Variants in DCC observed in about 807,000 individuals in gnomAD.
DCC encodes the protein DCC netrin 1 receptor, also known as netrin receptor DCC.
A neutral mutation model predicts 172.5 loss-of-function variants in DCC; 58 were observed. The observed-to-expected ratio is 0.34, with a 90% CI of 0.27 to 0.42. The LOEUF is 0.42. DCC is among the 10% of genes least tolerant of loss of function. The probability of loss-of-function intolerance (pLI) is 1.00; values close to 1 mark genes in which losing one functional copy is unlikely to be tolerated. For missense variants in DCC, 1,740 were observed against 1,791.0 expected (o/e 0.97, Z 0.51); for synonymous variants, 709 against 644.5 (o/e 1.10, Z -1.52).
intron 8 of DCC, among the ~76,000 whole-genome samples, chr18:53,171,931 G>A (rs1598872731): frequency 6.6e-6 from 1 of 151,940 alleles, no homozygotes; most frequent in Non-Finnish European, 1.5e-5. Context: ...ATTGTTGGCA[G>A]AAATGTAAAT....
intron 1 of DCC, among the ~76,000 whole-genome samples, chr18:52,528,731 C>T (rs1418098056): frequency 6.6e-6 from 1 of 152,086 alleles, no homozygotes; most frequent in Non-Finnish European, 1.5e-5. Context: ...ACAGGGCTCT[C>T]CTGTCTTGTG....
chr18:52,531,454 T>C (rs1160063048), intron 1 of DCC, among the ~76,000 whole-genome samples: 3 of 152,192 alleles, frequency 2.0e-5, no homozygotes, highest in African/African-American at 7.2e-5. Flanking sequence ...AATTTAAATA[T>C]ATTTGAAAGT....
chr18:52,598,248 C>T (rs571774508), intron 1 of DCC, among the ~76,000 whole-genome samples: 6 of 151,936 alleles, frequency 3.9e-5, no homozygotes, highest in African/African-American at 9.7e-5. Context: ...TACTAAATAC[C>T]GAGGTTAAGA....
rs1485866214 is a variant in DCC at position 52,466,221 on chromosome 18, T to C, written c.91+125343T>C. Among the ~76,000 whole-genome samples the C allele has an allele frequency of 7.9e-5, 12 of 152,296 alleles. No homozygotes were observed. The East Asian group carries it at 2.3e-3, about 29-fold the overall frequency. ...AGACGTTTTGTCTGGTCTAGTTCCATGCTCCTCAAAAAGGGATATGCGGCA... is the reference window on the plus strand; with the variant it reads ...AGACGTTTTGTCTGGTCTAGTTCCACGCTCCTCAAAAAGGGATATGCGGCA... On this transcript the variant is annotated intron_variant, in intron 1 of 28. Transcript: ENST00000442544.
At chr18:52,512,067 A>C (rs1217865956) in intron 1 of DCC, among the ~76,000 whole-genome samples, 1 of 152,196 alleles carries the variant, frequency 6.6e-6, no homozygotes, top group Non-Finnish European at 1.5e-5. Context: ...AAGAAGTCTA[A>C]GTTATTATTC....
At chr18:52,811,351 G>T (rs1479848225) in intron 2 of DCC, among the ~76,000 whole-genome samples, 2 of 152,086 alleles carry the variant, frequency 1.3e-5, no homozygotes, top group Non-Finnish European at 2.9e-5. Context: ...TAGTTTGTTG[G>T]GTTAACTATG....
chr18:53,118,122 T>G (rs572027166), intron 7 of DCC, among the ~76,000 whole-genome samples: 1 of 151,848 alleles, frequency 6.6e-6, no homozygotes, highest in South Asian at 2.1e-4. Flanking sequence ...TTATCAGAAA[T>G]GTAGTAGAAC....
At chr18:52,497,310 TATATA>T (rs2030822837) in intron 1 of DCC, among the ~76,000 whole-genome samples, 3 of 88,320 alleles carry the variant, frequency 3.4e-5, no homozygotes, top group African/African-American at 7.6e-5. Context: ...TATATATATA[TATATA>T]CACACACACA....
intron 2 of DCC, among the ~76,000 whole-genome samples, chr18:52,815,214 C>T (rs1259719019): frequency 6.6e-6 from 1 of 152,126 alleles, no homozygotes; most frequent in Non-Finnish European, 1.5e-5. Flanking sequence ...AGGTAATTGA[C>T]ATGAATTGTG....
At chr18:52,452,304 C>T (rs1436272711) in intron 1 of DCC, among the ~76,000 whole-genome samples, 1 of 152,216 alleles carries the variant, frequency 6.6e-6, no homozygotes, top group Non-Finnish European at 1.5e-5. Flanking sequence ...CCTACTCTCT[C>T]TATATTTCAT....
chr18:53,182,732 C>T (rs551291917), intron 9 of DCC, among the ~76,000 whole-genome samples: 1 of 152,190 alleles, frequency 6.6e-6, no homozygotes, highest in South Asian at 2.1e-4. Context: ...CAAGCCTGCT[C>T]AATAAGACAC....
chr18:52,804,632 T>C (rs2038054868), intron 2 of DCC, among the ~76,000 whole-genome samples: 1 of 152,184 alleles, frequency 6.6e-6, no homozygotes, highest in African/African-American at 2.4e-5. Context: ...AGTGGTGCGA[T>C]CTCCGCTTAC....
intron 2 of DCC, among the ~76,000 whole-genome samples, chr18:52,838,613 A>G (rs563673921): frequency 5.8e-4 from 89 of 152,352 alleles, no homozygotes; most frequent in Non-Finnish European, 9.7e-4. Flanking sequence ...AACAATAATA[A>G]GTATTTACTC....
chr18:52,562,082 T>A (rs1281500703), intron 1 of DCC, among the ~76,000 whole-genome samples: 1 of 152,004 alleles, frequency 6.6e-6, no homozygotes, highest in Non-Finnish European at 1.5e-5. Context: ...GTTAGGGAAA[T>A]AAAAACAATC....
chr18:53,230,109 T>C (rs994505111), intron 12 of DCC, among the ~76,000 whole-genome samples: 6 of 152,040 alleles, frequency 3.9e-5, no homozygotes, highest in African/African-American at 1.2e-4. Context: ...TCCATCTTCA[T>C]TGTTATTGAT....
intron 5 of DCC, among the ~76,000 whole-genome samples, chr18:53,010,869 A>G (rs1402296221): frequency 6.6e-6 from 1 of 151,226 alleles, no homozygotes; most frequent in African/African-American, 2.4e-5. Flanking sequence ...ATTGATTGTC[A>G]TTATGGTTCA....
intron 5 of DCC, among the ~76,000 whole-genome samples, chr18:53,031,294 G>A (rs1165352634): frequency 6.6e-6 from 1 of 152,056 alleles, no homozygotes; most frequent in Non-Finnish European, 1.5e-5. Flanking sequence ...TCTGTCTTGT[G>A]ATCCCTTAGA....
In DCC at chr18:52,914,843, GA is replaced by G. The variant is rs2040018090; in HGVS notation, c.697+8517del. ...TGCAGACAGAGCAAACTAGCTCTCT[GA>G]AGTTAAATTAATTTGTAACTCTTAT... On this transcript the variant is annotated intron_variant, in intron 3 of 28. Transcript: ENST00000442544. Among the ~76,000 whole-genome samples the G allele has an allele frequency of 2.0e-5, 3 of 152,076 alleles. No individual in the cohort carries two copies. The South Asian group carries it at 6.2e-4, about 31-fold the overall frequency.
intron 1 of DCC, among the ~76,000 whole-genome samples, chr18:52,553,679 G>A (rs2032837293): frequency 6.6e-6 from 1 of 152,024 alleles, no homozygotes; most frequent in African/African-American, 2.4e-5. Context: ...GACAGTGTAA[G>A]GAGGGCAATT....
Sources: gnomAD v4.1 joint callset for allele counts (sites outside exome capture counted in the v4.1 genomes callset) on GRCh38, gnomAD v4.1.1 for gene constraint, MANE v1.5 for transcripts, NCBI Gene and HGNC (gene_info 2026-07-23, HGNC 2026-07-21) for gene names.